SH3RF1: variants seen among roughly 807,000 people sequenced by gnomAD.
SH3RF1 encodes E3 ubiquitin-protein ligase SH3RF1.
In SH3RF1, 32 loss-of-function variants were observed where a neutral mutation model predicts 74.0. That is an observed-to-expected ratio of 0.43 (90% CI 0.33 to 0.58). The LOEUF (loss-of-function observed/expected upper bound fraction) is 0.58. SH3RF1 is among the 20% of genes least tolerant of loss of function. SH3RF1 has a pLI of 0.05. For missense variants in SH3RF1, 954 were observed against 1,130.9 expected (o/e 0.84, Z 2.24); for synonymous variants, 396 against 439.6 (o/e 0.90, Z 1.24).
intron 10 of SH3RF1, among the ~76,000 whole-genome samples, chr4:169,109,233 T>C (rs1284200866): frequency 6.6e-6 from 1 of 152,222 alleles, no homozygotes; most frequent in South Asian, 2.1e-4. Flanking sequence ...TCAAGTCCAT[T>C]GATAAATTAC....
intron 2 of SH3RF1, among the ~76,000 whole-genome samples, chr4:169,191,416 C>T (rs990425488): frequency 6.6e-6 from 1 of 151,670 alleles, no homozygotes; most frequent in Admixed American, 6.6e-5. Context: ...AATGGAAACA[C>T]ATCCCATGCT....
rs1198764152 is a variant in SH3RF1, at chr4:169,120,988, A to T, written c.1348T>A (p.Tyr450Asn). ...HLRPQTRPSV[Y>N]VAIYPYTPRK... The stretch of plus-strand genomic sequence containing the variant: ...GGAGTGTATGGATATATAGCAACAT[A>T]CCTAGAATAGAAAATAATATTTGAT... The change falls in exon 8 of 12, where the codon TAT becomes AAT. Residue 450 changes from tyrosine (Y) to asparagine (N), a missense_variant and splice_region_variant. Around this residue, in one of 3 missense-constraint regions of SH3RF1, gnomAD observed 854 missense variants for 962.5 expected, o/e 0.89. Transcript: ENST00000284637. 6.2e-7 allele frequency: 1 copy of T among 1,610,822 alleles called. No individual in the cohort carries two copies. The highest frequency in any genetic ancestry group is 1.3e-5 in the African/African-American group (1 of 74,868).
intron 2 of SH3RF1, chr4:169,203,834 A>G (rs1734950153): frequency 6.6e-6 from 1 of 152,236 alleles, no homozygotes; most frequent in Non-Finnish European, 1.5e-5. Context: ...TTATGTATTT[A>G]GAAGCACATT....
chr4:169,116,465 C>T lies in SH3RF1; in HGVS notation c.1943G>A (p.Ser648Asn), dbSNP rs1733334279. ...PGSATHTAAI[S>N]ISRASAPLAC... ...CAGAGGGGCACTGGCTCGACTGATA[C>T]TGATGGCAGCAGTGTGCGTGGCTGA... Residue 648 changes from serine to asparagine, a missense_variant, in exon 10 of 12, where the codon AGT (serine) becomes AAT (asparagine). Ser to Asn is a conservative substitution (Grantham distance 46). Transcript: ENST00000284637. The T allele has an allele frequency of 6.2e-7, 1 of 1,613,978 alleles. No individual in the cohort carries two copies. The highest frequency in any genetic ancestry group is 1.1e-5 in the South Asian group (1 of 91,012).
At chr4:169,183,187 C>T (rs1734542391) in intron 2 of SH3RF1, among the ~76,000 whole-genome samples, 1 of 152,162 alleles carries the variant, frequency 6.6e-6, no homozygotes. Flanking sequence ...GTAATCTCAA[C>T]TACTAGGGAG....
At chr4:169,151,188 C>T (rs148472676) in intron 4 of SH3RF1, among the ~76,000 whole-genome samples, 32 of 152,250 alleles carry the variant, frequency 2.1e-4, no homozygotes, top group African/African-American at 5.3e-4. Flanking sequence ...AAAGACCCTG[C>T]GGAACCGGCC....
chr4:169,147,709 A>G (rs1290673189), intron 4 of SH3RF1, among the ~76,000 whole-genome samples: 1 of 152,238 alleles, frequency 6.6e-6, no homozygotes, highest in African/African-American at 2.4e-5. Context: ...ACTTTCCTAA[A>G]ACATTCCATT....
chr4:169,143,858 T>C (rs1246895583), intron 4 of SH3RF1, among the ~76,000 whole-genome samples: 2 of 152,226 alleles, frequency 1.3e-5, no homozygotes, highest in African/African-American at 4.8e-5. Context: ...TAGAATTTTC[T>C]TGTTCAGGTT....
At chr4:169,147,024 A>G (rs1200672413) in intron 4 of SH3RF1, among the ~76,000 whole-genome samples, 1 of 152,204 alleles carries the variant, frequency 6.6e-6, no homozygotes, top group Non-Finnish European at 1.5e-5. Flanking sequence ...AAAGAGGTAC[A>G]AATACCTATT....
At position 169,240,370 on chromosome 4, in the gene SH3RF1, T is replaced by A. The variant is rs1025529428; in HGVS notation, c.393+28450A>T. Among the ~76,000 whole-genome samples, 8 of 151,952 alleles carry A rather than the reference T, an allele frequency of 5.3e-5. No individual in the cohort carries two copies. The East Asian group carries it at 7.8e-4, about 15-fold the overall frequency. On this transcript the variant is annotated intron_variant, in intron 2 of 11. Coordinates refer to ENST00000284637, the MANE Select transcript of SH3RF1 (RefSeq NM_020870.4). ...AACCACCATGCCCGCCTGATTTTTT[T>A]AATTTTTTGCAGAGATGGGATTTCA...
At chr4:169,270,217 G>GAGCC (rs1187282765) in intron 1 of SH3RF1, among the ~76,000 whole-genome samples, 4 of 152,150 alleles carry the variant, frequency 2.6e-5, no homozygotes, top group Admixed American at 2.0e-4. Flanking sequence ...CGGAGCGGGG[G>GAGCC]AGCCCCAGGG....
intron 2 of SH3RF1, among the ~76,000 whole-genome samples, chr4:169,182,415 T>C (rs1241103880): frequency 6.6e-6 from 1 of 152,208 alleles, no homozygotes; most frequent in Admixed American, 6.5e-5. Context: ...AGAATGCCAA[T>C]ATATTTTTTC....
chr4:169,121,605 C>T (rs995291962), intron 7 of SH3RF1, among the ~76,000 whole-genome samples: 3 of 152,156 alleles, frequency 2.0e-5, no homozygotes, highest in Admixed American at 2.0e-4. Flanking sequence ...GCAACATTAA[C>T]CTATAGTTCT....
chr4:169,113,932 T>C (rs114310691), intron 10 of SH3RF1, among the ~76,000 whole-genome samples: 1 of 152,268 alleles, frequency 6.6e-6, no homozygotes, highest in African/African-American at 2.4e-5. Context: ...ATCTGCATTT[T>C]CTATGTGGGC....
At chr4:169,230,161 G>A (rs941403127) in intron 2 of SH3RF1, among the ~76,000 whole-genome samples, 2 of 152,266 alleles carry the variant, frequency 1.3e-5, no homozygotes, top group South Asian at 2.1e-4. Flanking sequence ...CCAAGATCAC[G>A]CTGCTCCAGC....
At position 169,116,257 on chromosome 4, in the gene SH3RF1, G is replaced by A. The variant is rs1733329341; in HGVS notation, c.2139+12C>T. 1 of 1,585,446 alleles carries A rather than the reference G, an allele frequency of 6.3e-7. No homozygotes were observed. The highest frequency in any genetic ancestry group is 8.6e-7 in the Non-Finnish European group (1 of 1,163,802). ...AGTAAAGCAGAGAAACAGTAAGTAA[G>A]TATGGTCTTACTTTGCTATCCTTGT... On this transcript the variant is annotated intron_variant, in intron 10 of 11. Coordinates refer to ENST00000284637, the MANE Select transcript of SH3RF1 (RefSeq NM_020870.4).
intron 2 of SH3RF1, among the ~76,000 whole-genome samples, chr4:169,248,021 T>C (rs1178208401): frequency 6.6e-6 from 1 of 152,174 alleles, no homozygotes. Flanking sequence ...GAAACAGAAA[T>C]GCTTTTACAC....
chr4:169,250,906 C>T (rs998116014), intron 2 of SH3RF1, among the ~76,000 whole-genome samples: 5 of 152,026 alleles, frequency 3.3e-5, no homozygotes, highest in Non-Finnish European at 5.9e-5. Context: ...ATGTTGAGAC[C>T]TGGGTAAAAG....
At chr4:169,160,520 A>C (rs1734134002) in intron 2 of SH3RF1, among the ~76,000 whole-genome samples, 1 of 152,224 alleles carries the variant, frequency 6.6e-6, no homozygotes, top group Non-Finnish European at 1.5e-5. Context: ...CAACTTGCTA[A>C]GTCTTGACTG....
Sources: gnomAD v4.1 joint callset for allele counts (sites outside exome capture counted in the v4.1 genomes callset) on GRCh38, gnomAD v4.1.1 for gene constraint, gnomAD v4.1.1 regional missense constraint, MANE v1.5 for transcripts, NCBI Gene and HGNC (gene_info 2026-07-23, HGNC 2026-07-21) for gene names.